The following APOL6 variants were observed in gnomAD, a reference collection of about 807,000 sequenced individuals.
APOL6 encodes the protein apolipoprotein L, 6.
In APOL6, 1 loss-of-function variant was observed where a neutral mutation model predicts 2.4. That is an observed-to-expected ratio of 0.41 (90% CI 0.15 to 1.94). The LOEUF is 1.94. Ranked by LOEUF, APOL6 falls within the 30% of genes most tolerant of loss-of-function variation. The pLI, the probability that APOL6 is intolerant of heterozygous loss-of-function variation, is 0.30. For missense variants in APOL6, 438 were observed against 429.2 expected (o/e 1.02, Z -0.18); for synonymous variants, 189 against 169.3 (o/e 1.12, Z -0.90).
chr22:35,650,509 C>T (rs1307911477), intron 1 of APOL6, among the ~76,000 whole-genome samples: 1 of 152,152 alleles, frequency 6.6e-6, no homozygotes, highest in African/African-American at 2.4e-5. Context: ...ACATGAACAG[C>T]ATGCATTTCC....
Position 35,661,684 on chromosome 22 carries a change from T to C in APOL6, c.*2088T>C, listed in dbSNP as rs1925032075. Reference sequence around the variant, plus strand: ...TATGGCATAAAAGATAAGAATTGGCTCTCCTGTACAGGGCACTTACTACGA... The same window carrying C: ...TATGGCATAAAAGATAAGAATTGGCCCTCCTGTACAGGGCACTTACTACGA... On this transcript the variant is annotated 3_prime_UTR_variant, in exon 3 of 3. Coordinates refer to ENST00000409652, the MANE Select transcript of APOL6 (RefSeq NM_030641.4). 6.6e-6 allele frequency: 1 copy of C among 152,080 alleles called. No homozygotes were observed. Among genetic ancestry groups the C allele is most frequent in the African/African-American group, 2.4e-5 (1 of 41,400 alleles). 9.4% of individuals were successfully genotyped at this position (152,080 alleles called of 1,614,324 possible).
Position 35,668,167 on chromosome 22 carries a change from A to T in APOL6, c.*8571A>T, listed in dbSNP as rs1009251480. The T allele has an allele frequency of 2.0e-5, 3 of 152,222 alleles. No individual in the cohort carries two copies. The highest frequency in any genetic ancestry group is 4.4e-5 in the Non-Finnish European group (3 of 68,042). 9.4% of individuals were successfully genotyped at this position (152,222 alleles called of 1,614,324 possible). A position where few individuals can be genotyped will look rare whatever the true frequency, so the allele number is the denominator to read the frequency against. ...TAATTACTCTTTCAACCAATTGCCA[A>T]TCAGAAAATTGTTATATCTACCTAT... On this transcript the variant is annotated 3_prime_UTR_variant, in exon 3 of 3. Transcript: ENST00000409652.
At position 35,668,061 on chromosome 22, in the gene APOL6, T is replaced by C. The variant is rs1219724519; in HGVS notation, c.*8465T>C. 1 of 152,196 alleles carries C rather than the reference T, an allele frequency of 6.6e-6. No homozygotes were observed. The highest frequency in any genetic ancestry group is 1.5e-5 in the Non-Finnish European group (1 of 68,044). 9.4% of individuals were successfully genotyped at this position (152,196 alleles called of 1,614,324 possible). On this transcript the variant is annotated 3_prime_UTR_variant, in exon 3 of 3. Transcript: ENST00000409652. ...CATTTACAATCTATTCTCTCTGAAG[T>C]CTTCTACCTGGAGGCTTCATCTGCA...
chr22:35,650,549 T>C (rs1165056462), intron 1 of APOL6, among the ~76,000 whole-genome samples: 1 of 152,188 alleles, frequency 6.6e-6, no homozygotes, highest in Non-Finnish European at 1.5e-5. Context: ...GATTTTATAA[T>C]TTATTTCTAA....
In APOL6 at chr22:35,661,491, C is replaced by T. The variant is rs1180637037; in HGVS notation, c.*1895C>T. The T allele has an allele frequency of 6.6e-6, 1 of 151,314 alleles. No homozygotes were observed. The highest frequency in any genetic ancestry group is 1.5e-5 in the Non-Finnish European group (1 of 67,934). The allele number at this position is 151,314 out of a possible 1,614,324, so 9.4% of individuals were successfully genotyped here. On this transcript the variant is annotated 3_prime_UTR_variant, in exon 3 of 3. Coordinates refer to ENST00000409652, the MANE Select transcript of APOL6 (RefSeq NM_030641.4). ...TATCACAGATTGTACTTATACAAAACTTAGATGGCATAGCCTACTGCATAC... is the reference window on the plus strand; with the variant it reads ...TATCACAGATTGTACTTATACAAAATTTAGATGGCATAGCCTACTGCATAC...
chr22:35,656,494 T>C lies in APOL6; in HGVS notation c.50+19T>C. The stretch of plus-strand genomic sequence containing the variant: ...TGCAAAGGTAATCCAAAGGGTGTAG[T>C]CCCCAGGGAGAGGGCTGATTCTGTT... On this transcript the variant is annotated intron_variant, in intron 2 of 2. Transcript: ENST00000409652. 1 of 1,613,854 alleles carries C rather than the reference T, an allele frequency of 6.2e-7. No homozygotes were observed. The highest frequency in any genetic ancestry group is 1.7e-4 in the Middle Eastern group (1 of 6,048).
At position 35,658,780 on chromosome 22, in the gene APOL6, G is replaced by T. The variant is rs1269270139; in HGVS notation, c.216G>T (p.Lys72Asn). Residue 72 changes from lysine to asparagine, a missense_variant, in exon 3 of 3, where the codon AAG (lysine) becomes AAT (asparagine). Lys to Asn is a moderately conservative substitution (Grantham distance 94, BLOSUM62 0). Coordinates refer to ENST00000409652, the MANE Select transcript of APOL6 (RefSeq NM_030641.4). ...ALADDIDKTHKKFTKANMVAT... is the reference protein window; with the variant it reads ...ALADDIDKTHNKFTKANMVAT... Reference sequence around the variant, plus strand: ...CAGACGATATTGACAAAACCCACAAGAAATTCACCAAGGCTAACATGGTGG... The same window carrying T: ...CAGACGATATTGACAAAACCCACAATAAATTCACCAAGGCTAACATGGTGG... 6.2e-7 allele frequency: 1 copy of T among 1,614,138 alleles called. No individual in the cohort carries two copies. The highest frequency in any genetic ancestry group is 2.2e-5 in the East Asian group (1 of 44,878).
chr22:35,650,773 T>C (rs1411911645), intron 1 of APOL6, among the ~76,000 whole-genome samples: 2 of 151,922 alleles, frequency 1.3e-5, no homozygotes, highest in Admixed American at 1.3e-4. Flanking sequence ...CTACTAAAAA[T>C]ACAAAAATTA....
chr22:35,656,597 C>T (rs373262943), intron 2 of APOL6, 122 bp downstream of exon 2: 25 of 1,130,000 alleles, frequency 2.2e-5, no homozygotes, highest in East Asian at 7.2e-5. Flanking sequence ...CTTATCTTAC[C>T]GCTGGTCTCC....
At chr22:35,655,554 A>G (rs960894435) in intron 1 of APOL6, among the ~76,000 whole-genome samples, 3 of 152,198 alleles carry the variant, frequency 2.0e-5, no homozygotes, top group African/African-American at 7.2e-5. Flanking sequence ...GTAGTTTTCA[A>G]AATTGTTATT....
At chr22:35,658,121 G>A (rs1193660950) in intron 2 of APOL6, among the ~76,000 whole-genome samples, 1 of 152,132 alleles carries the variant, frequency 6.6e-6, no homozygotes, top group Non-Finnish European at 1.5e-5. Context: ...AGTGGAGGAT[G>A]TATGATGCAA....
intron 1 of APOL6, among the ~76,000 whole-genome samples, chr22:35,651,762 G>A (rs1298369717): frequency 2.6e-5 from 4 of 152,184 alleles, no homozygotes; most frequent in Non-Finnish European, 4.4e-5. Flanking sequence ...ATTCCATGGT[G>A]TATATGTGCC....
chr22:35,659,063 G>C lies in APOL6; in HGVS notation c.499G>C (p.Ala167Pro). Residue 167 changes from alanine (A) to proline (P), a missense_variant, in exon 3 of 3, where the codon GCT (alanine) becomes CCT (proline). Physicochemically the swap from Ala to Pro is conservative, Grantham distance 27. Transcript: ENST00000409652. Reference sequence around the variant, plus strand: ...AGAGAAGGCAGACTATGTCACAGCTGCTGGAAAGATTATCTATAATCTTAG... The same window carrying C: ...AGAGAAGGCAGACTATGTCACAGCTCCTGGAAAGATTATCTATAATCTTAG... The part of the protein sequence containing the change: ...EEEKADYVTA[A>P]GKIIYNLRNT... 24 of 1,613,968 alleles carry C rather than the reference G, an allele frequency of 1.5e-5. No individual in the cohort carries two copies. Among genetic ancestry groups the C allele is most frequent in the Non-Finnish European group, 2.0e-5 (24 of 1,180,040 alleles).
In APOL6 at chr22:35,667,144, C is replaced by G. The variant is rs888266467; in HGVS notation, c.*7548C>G. 3.9e-5 allele frequency: 6 copies of G among 152,194 alleles called. No homozygotes were observed. Among genetic ancestry groups the G allele is most frequent in the African/African-American group, 1.4e-4 (6 of 41,440 alleles). 9.4% of individuals were successfully genotyped at this position (152,194 alleles called of 1,614,324 possible). ...TGGCCCCATATTTTGTGTACACAGT[C>G]TCCGTACAAGATTTCTGACCTGTAG... On this transcript the variant is annotated 3_prime_UTR_variant, in exon 3 of 3. Coordinates refer to ENST00000409652, the MANE Select transcript of APOL6 (RefSeq NM_030641.4).
intron 2 of APOL6, among the ~76,000 whole-genome samples, chr22:35,657,320 C>T (rs1924872404): frequency 6.6e-6 from 1 of 152,138 alleles, no homozygotes; most frequent in Non-Finnish European, 1.5e-5. Flanking sequence ...CCCTGGTGAC[C>T]TTCTGCTCTG....
rs574958438 is a variant in APOL6 at position 35,662,474 on chromosome 22, A to C, written c.*2878A>C. The C allele has an allele frequency of 6.6e-6, 1 of 152,356 alleles. No individual in the cohort carries two copies. Among genetic ancestry groups the C allele is most frequent in the Non-Finnish European group, 1.5e-5 (1 of 68,054 alleles). The allele number at this position is 152,356 out of a possible 1,614,324, so 9.4% of individuals were successfully genotyped here. A position where few individuals can be genotyped will look rare whatever the true frequency, so the allele number is the denominator to read the frequency against. On this transcript the variant is annotated 3_prime_UTR_variant, in exon 3 of 3. Transcript: ENST00000409652. Reference sequence around the variant, plus strand: ...ACATATCTGATTGCCTCCTTTGGAAAGGCTAATCAGAAACTCAAAAGAATG... The same window carrying C: ...ACATATCTGATTGCCTCCTTTGGAACGGCTAATCAGAAACTCAAAAGAATG...
chr22:35,658,573 T>A lies in APOL6; in HGVS notation c.51-42T>A, dbSNP rs368808681. On this transcript the variant is annotated intron_variant, in intron 2 of 2. Coordinates refer to ENST00000409652, the MANE Select transcript of APOL6 (RefSeq NM_030641.4). ...TCCAAGAGCCACATGGGTTTTCCCA[T>A]CTGGGAAGCTGAAGCAAAATCTTTA... 6 of 1,528,230 alleles carry A rather than the reference T, an allele frequency of 3.9e-6. No homozygotes were observed. In the South Asian group the frequency reaches 6.4e-5, roughly 16 times the overall value. The allele number at this position is 1,528,230 out of a possible 1,614,324, so 94.7% of individuals were successfully genotyped here. A position where few individuals can be genotyped will look rare whatever the true frequency, so the allele number is the denominator to read the frequency against.
In APOL6 at chr22:35,652,855, G is replaced by T. The variant is rs543105941; in HGVS notation, c.-47-3524G>T. On this transcript the variant is annotated intron_variant, in intron 1 of 2. Coordinates refer to ENST00000409652, the MANE Select transcript of APOL6 (RefSeq NM_030641.4). ...TGATGTCTCCAGCTTTGTTCTTTTG[G>T]CTTAGGATTGACTTGGCAATGTGGG... Among the ~76,000 whole-genome samples the T allele has an allele frequency of 2.6e-5, 4 of 152,164 alleles. No homozygotes were observed. In the East Asian group the frequency reaches 7.7e-4, roughly 29 times the overall value.
intron 1 of APOL6, among the ~76,000 whole-genome samples, chr22:35,652,594 C>G (rs1924726608): frequency 1.3e-5 from 2 of 152,142 alleles, no homozygotes; most frequent in African/African-American, 4.8e-5. Context: ...GGAAGGGATC[C>G]AGTTTCAGCT....
Sources: gnomAD v4.1 joint callset for allele counts (sites outside exome capture counted in the v4.1 genomes callset) on GRCh38, gnomAD v4.1.1 for gene constraint, MANE v1.5 for transcripts, NCBI Gene and HGNC (gene_info 2026-07-23, HGNC 2026-07-21) for gene names.